The following ITGA11 variants were observed in gnomAD, a reference collection of about 807,000 sequenced individuals.
ITGA11 encodes integrin subunit alpha 11, also known as integrin alpha-11.
In ITGA11, 97 loss-of-function variants were observed where a neutral mutation model predicts 141.9. That is an observed-to-expected ratio of 0.68 (90% confidence interval 0.58 to 0.81). The LOEUF (loss-of-function observed/expected upper bound fraction) is 0.81. Among genes scored for constraint, ITGA11 ranks in the 30% least tolerant of loss-of-function variants. The pLI, the probability that ITGA11 is intolerant of heterozygous loss-of-function variation, is 0.00. For synonymous variants in ITGA11, 658 were observed against 624.6 expected (o/e 1.05, Z -0.80); for missense variants, 1,387 against 1,559.2 (o/e 0.89, Z 1.86).
intron 2 of ITGA11, among the ~76,000 whole-genome samples, chr15:68,372,075 C>T (rs924524508): frequency 2.6e-5 from 4 of 152,158 alleles, no homozygotes; most frequent in African/African-American, 9.7e-5. Context: ...AGTTGGTTTG[C>T]TGCGGGGCTG....
chr15:68,432,044 A>G lies in ITGA11; in HGVS notation c.23T>C (p.Val8Ala). 7.4e-7 allele frequency: 1 copy of G among 1,347,518 alleles called. No homozygotes were observed. Among genetic ancestry groups the G allele is most frequent in the Non-Finnish European group, 9.5e-7 (1 of 1,048,284 alleles). 83.5% of individuals were successfully genotyped at this position (1,347,518 alleles called of 1,614,324 possible). Residue 8 changes from valine to alanine, a missense_variant, in exon 1 of 30, where the codon GTG becomes GCG. Transcript: ENST00000315757. MDLPRGL[V>A]VAWALSLWPG... ...CCACAGGCTGAGCGCCCAGGCCACC[A>G]CCAGGCCCCTGGGCAGGTCCATGGC...
At chr15:68,319,552 TGAGGA>T (rs1247694915) in intron 20 of ITGA11, among the ~76,000 whole-genome samples, 1 of 152,130 alleles carries the variant, frequency 6.6e-6, no homozygotes, top group Non-Finnish European at 1.5e-5. Flanking sequence ...AATGCCACAA[TGAGGA>T]GCCTGGAGTT....
rs1838320432 is a variant in ITGA11 at position 68,426,872 on chromosome 15, G to A, written c.52+5143C>T. Among the ~76,000 whole-genome samples the A allele has an allele frequency of 2.0e-5, 3 of 151,952 alleles. No individual in the cohort carries two copies. In the South Asian group the frequency reaches 6.2e-4, roughly 32 times the overall value. On this transcript the variant is annotated intron_variant, in intron 1 of 29. Coordinates refer to ENST00000315757, the MANE Select transcript of ITGA11 (RefSeq NM_001004439.2). ...TCTCCTAAAAATACAAAAATTAGCT[G>A]GGTATGGTAGCACAGGCCTGTAATC...
chr15:68,315,558 G>A (rs893681073), intron 22 of ITGA11, 93 bp downstream of exon 22: 102 of 1,049,420 alleles, frequency 9.7e-5, no homozygotes, highest in South Asian at 1.6e-4. Context: ...GTGGGGCAGC[G>A]GACTCAGTGT....
chr15:68,404,995 G>A (rs766375642), intron 1 of ITGA11, among the ~76,000 whole-genome samples: 9 of 152,284 alleles, frequency 5.9e-5, no homozygotes, highest in East Asian at 5.8e-4. Flanking sequence ...ACCCAAGCCC[G>A]CTGGGTAGGG....
intron 1 of ITGA11, among the ~76,000 whole-genome samples, chr15:68,415,902 C>T (rs534672981): frequency 5.9e-5 from 9 of 152,174 alleles, no homozygotes; most frequent in South Asian, 2.1e-4. Context: ...ATCAGATGAA[C>T]TTGATATTCA....
Sources: gnomAD v4.1 joint callset for allele counts (sites outside exome capture counted in the v4.1 genomes callset) on GRCh38, gnomAD v4.1.1 for gene constraint, MANE v1.5 for transcripts, NCBI Gene and HGNC (gene_info 2026-07-23, HGNC 2026-07-21) for gene names.